The following ABCF1 variants were observed in gnomAD, a reference collection of about 807,000 sequenced individuals.
The protein encoded by ABCF1 is ATP binding cassette subfamily F member 1, also known as ATP-binding cassette sub-family F member 1.
In ABCF1, 73 loss-of-function variants were observed where a neutral mutation model predicts 126.3. The observed-to-expected ratio is 0.58, with a 90% CI of 0.48 to 0.70. The LOEUF is 0.70. Among genes scored for constraint, ABCF1 ranks in the 30% least tolerant of loss-of-function variants. The pLI, the probability that ABCF1 is intolerant of heterozygous loss-of-function variation, is 0.00. For synonymous variants in ABCF1, 345 were observed against 396.4 expected (o/e 0.87, Z 1.54); for missense variants, 786 against 1,057.5 (o/e 0.74, Z 3.56).
Position 30,582,956 on chromosome 6 carries a change from G to C in ABCF1, c.793-110G>C, listed in dbSNP as rs796985998. On this transcript the variant is annotated intron_variant, in intron 9 of 24. Transcript: ENST00000326195. ...GATCCACCTACCTCAGCCTCCCAGA[G>C]TGCTGGGATTACAGGCGTGAGCCAG... The C allele has an allele frequency of 7.4e-5, 103 of 1,395,326 alleles. No homozygotes were observed. The African/African-American group carries it at 1.3e-3, about 18-fold the overall frequency. 86.4% of individuals were successfully genotyped at this position (1,395,326 alleles called of 1,614,324 possible).
intron 8 of ABCF1, among the ~76,000 whole-genome samples, chr6:30,581,009 T>C (rs1335487782): frequency 6.6e-6 from 1 of 152,064 alleles, no homozygotes; most frequent in African/African-American, 2.4e-5. Context: ...ATATAGTAAA[T>C]GTTTTTGGCT....
Position 30,586,605 on chromosome 6 carries a change from G to A in ABCF1, c.1961-36G>A, listed in dbSNP as rs755104873. The A allele has an allele frequency of 6.2e-7, 1 of 1,613,234 alleles. No individual in the cohort carries two copies. The highest frequency in any genetic ancestry group is 8.5e-7 in the Non-Finnish European group (1 of 1,179,888). ...AGCAGGAGCCACAGGGAGAGTCTCTGGGGACCTCTTTGACCACCTGTCTTC... is the reference window on the plus strand; with the variant it reads ...AGCAGGAGCCACAGGGAGAGTCTCTAGGGACCTCTTTGACCACCTGTCTTC... On this transcript the variant is annotated intron_variant, in intron 19 of 24. Coordinates refer to ENST00000326195, the MANE Select transcript of ABCF1 (RefSeq NM_001025091.2). The surrounding 1 kb of genome is among the most constrained non-coding windows in gnomAD (Gnocchi z 4.9).
In ABCF1 at chr6:30,579,977, A is replaced by T. The variant is rs767530405; in HGVS notation, c.536A>T (p.Lys179Met). The T allele has an allele frequency of 3.1e-6, 5 of 1,612,834 alleles. No homozygotes were observed. The change falls in exon 7 of 25, where the codon AAG becomes ATG. Residue 179 changes from lysine (K) to methionine (M), a missense_variant. By Grantham distance (95) the Lys-to-Met change is moderately conservative. Around this residue, in one of 4 missense-constraint regions of ABCF1, gnomAD observed 322 missense variants for 322.9 expected, o/e 1.00. Transcript: ENST00000326195. ...CCTGCACTCAAGGGCAAAAAGGGAA[A>T]GGAAGAGAAGTCAAAAGGGAAGGCT... ...QQPALKGKKG[K>M]EEKSKGKAKP...
chr6:30,587,310 G>T (rs1028571968), intron 20 of ABCF1, among the ~76,000 whole-genome samples: 1 of 151,924 alleles, frequency 6.6e-6, no homozygotes, highest in Non-Finnish European at 1.5e-5. Context: ...CAACTCTTTG[G>T]GGGAGGCTGA....
At position 30,585,634 on chromosome 6, in the gene ABCF1, A is replaced by G. The variant is rs762208937; in HGVS notation, c.1552A>G (p.Ile518Val). ...CTTCTTGGATGATGTCTGCACTGATATCATCCACCTCGATGCCCAGCGGCT... is the reference window on the plus strand; with the variant it reads ...CTTCTTGGATGATGTCTGCACTGATGTCATCCACCTCGATGCCCAGCGGCT... The part of the protein sequence containing the change: ...QGFLDDVCTD[I>V]IHLDAQRLHY... The change falls in exon 16 of 25, where the codon ATC becomes GTC. Residue 518 changes from isoleucine to valine, a missense_variant. Ile to Val is a conservative substitution (Grantham distance 29). Coordinates refer to ENST00000326195, the MANE Select transcript of ABCF1 (RefSeq NM_001025091.2). The G allele has an allele frequency of 4.3e-6, 7 of 1,612,962 alleles. No homozygotes were observed. The South Asian group carries it at 6.6e-5, about 15-fold the overall frequency.
intron 3 of ABCF1, 42 bp from the exon 4 acceptor site, chr6:30,578,034 G>T (rs1387205267): frequency 1.2e-6 from 2 of 1,613,756 alleles, no homozygotes; most frequent in Non-Finnish European, 1.7e-6. Context: ...ATACAGCAGG[G>T]GCCTGGGCTT....
rs1448429946 is a variant in ABCF1 at position 30,574,239 on chromosome 6, A to G, written c.73+2679A>G. ...GCAGCCTCAATCGCAGGCTCAAGCC[A>G]TCTTCCCTTGTAGCTGGGACTACAG... On this transcript the variant is annotated intron_variant, in intron 1 of 24. Coordinates refer to ENST00000326195, the MANE Select transcript of ABCF1 (RefSeq NM_001025091.2). The surrounding 1 kb of genome is among the most constrained non-coding windows in gnomAD (Gnocchi z 4.3). 6.6e-6 allele frequency among the ~76,000 whole-genome samples: 1 copy of G among 151,558 alleles called. No homozygotes were observed. Among genetic ancestry groups the G allele is most frequent in the Non-Finnish European group, 1.5e-5 (1 of 67,904 alleles).
rs776739617 is a variant in ABCF1 at position 30,577,820 on chromosome 6, C to T, written c.123C>T (p.Phe41=). ...CTGTAGCTTAACTCCCTTTATAGTT[C>T]TTTGAAGAGCTGGCAGTAGAAGATA... The part of the protein sequence containing the change: ...GKKDKKIKKT[F]FEELAVEDKQ... Residue 41 remains phenylalanine (F), a splice_region_variant and synonymous_variant, in exon 3 of 25, where the codon TTC becomes TTT. Transcript: ENST00000326195. 6.2e-7 allele frequency: 1 copy of T among 1,613,664 alleles called. No homozygotes were observed.
At position 30,583,579 on chromosome 6, in the gene ABCF1, C is replaced by T. The variant is rs1002552192; in HGVS notation, c.916-29C>T. 1.9e-6 allele frequency: 3 copies of T among 1,610,030 alleles called. No homozygotes were observed. The highest frequency in any genetic ancestry group is 2.7e-5 in the African/African-American group (2 of 74,824). On this transcript the variant is annotated intron_variant, in intron 10 of 24. Coordinates refer to ENST00000326195, the MANE Select transcript of ABCF1 (RefSeq NM_001025091.2). This position sits in a 1 kb window ranked among gnomAD's most constrained non-coding sequence, Gnocchi z 4.1. Reference sequence around the variant, plus strand: ...GAATTTTCATGTGATCATCCCTTCCCTCTGCCACCTCTTTCCTGATGGCTG... The same window carrying T: ...GAATTTTCATGTGATCATCCCTTCCTTCTGCCACCTCTTTCCTGATGGCTG...
At position 30,584,689 on chromosome 6, in the gene ABCF1, A is replaced by T; in HGVS notation, c.1391+123A>T. On this transcript the variant is annotated intron_variant, in intron 14 of 24. Transcript: ENST00000326195. The surrounding 1 kb of genome is among the most constrained non-coding windows in gnomAD (Gnocchi z 4.6). ...CAAGGCTTACCTCTCCCTCCTTACT[A>T]TCTGTGTTGTGAGAACTTAGGGTCT... 1.5e-6 allele frequency: 2 copies of T among 1,308,324 alleles called. No individual in the cohort carries two copies. 81.0% of individuals were successfully genotyped at this position (1,308,324 alleles called of 1,614,324 possible).
chr6:30,579,023 C>T (rs117587530), intron 6 of ABCF1, among the ~76,000 whole-genome samples: 3 of 151,962 alleles, frequency 2.0e-5, no homozygotes, highest in East Asian at 1.9e-4. Flanking sequence ...CAAAAAAAAC[C>T]ATGCCATTTT....
chr6:30,578,672 T>A, intron 6 of ABCF1, 95 bp downstream of exon 6: 3 of 1,089,170 alleles, frequency 2.8e-6, no homozygotes, highest in Non-Finnish European at 4.1e-6. Context: ...CTCTTCTCGG[T>A]CTGTCTTACT....
intron 6 of ABCF1, 27 bp downstream of exon 6, chr6:30,578,604 TCTCA>T: frequency 1.9e-6 from 3 of 1,591,190 alleles, no homozygotes; most frequent in African/African-American, 1.3e-5. Flanking sequence ...GATCAGTCAC[TCTCA>T]CTCCATTTAG....
chr6:30,579,892 T>G, intron 6 of ABCF1, 39 bp from the exon 7 acceptor site: 1 of 1,591,718 alleles, frequency 6.3e-7, no homozygotes, highest in Non-Finnish European at 8.6e-7. Flanking sequence ...CACAATAATT[T>G]GTATGTATGT....
chr6:30,585,367 T>C (rs1439459498), intron 15 of ABCF1, 24 bp downstream of exon 15: 1 of 1,608,664 alleles, frequency 6.2e-7, no homozygotes, highest in Admixed American at 1.7e-5. Flanking sequence ...TTTGCATCAT[T>C]GGTTCCCATT....
At chr6:30,585,496 T>G (rs1278743246) in intron 15 of ABCF1, 62 bp from the exon 16 acceptor site, 1 of 1,607,754 alleles carries the variant, frequency 6.2e-7, no homozygotes, top group Admixed American at 1.7e-5. Context: ...GTCTGCCTGC[T>G]TCCTCTGAAT....
At position 30,586,852 on chromosome 6, in the gene ABCF1, G is replaced by A; in HGVS notation, c.2031+141G>A. On this transcript the variant is annotated intron_variant, in intron 20 of 24. Coordinates refer to ENST00000326195, the MANE Select transcript of ABCF1 (RefSeq NM_001025091.2). The surrounding 1 kb of genome is among the most constrained non-coding windows in gnomAD (Gnocchi z 4.9). ...ATAGATGATTCATTTCCCTAAGAGG[G>A]GCAGTAGAGGAGGAAAGAGCTTAGA... 1 of 938,944 alleles carries A rather than the reference G, an allele frequency of 1.1e-6. No individual in the cohort carries two copies. Among genetic ancestry groups the A allele is most frequent in the Non-Finnish European group, 1.6e-6 (1 of 615,926 alleles). The allele number at this position is 938,944 out of a possible 1,614,324, so 58.2% of individuals were successfully genotyped here.
In ABCF1 at chr6:30,583,933, T is replaced by C; in HGVS notation, c.1102+43T>C. 1 of 1,601,510 alleles carries C rather than the reference T, an allele frequency of 6.2e-7. No individual in the cohort carries two copies. The highest frequency in any genetic ancestry group is 1.1e-5 in the South Asian group (1 of 90,696). On this transcript the variant is annotated intron_variant, in intron 12 of 24. Coordinates refer to ENST00000326195, the MANE Select transcript of ABCF1 (RefSeq NM_001025091.2). The surrounding 1 kb of genome is among the most constrained non-coding windows in gnomAD (Gnocchi z 4.1). Reference sequence around the variant, plus strand: ...AAAAGGGGCTTGGTGGGGTGGGCAGTTGGGTAGAAAAGCCAGCCAGCCAAG... The same window carrying C: ...AAAAGGGGCTTGGTGGGGTGGGCAGCTGGGTAGAAAAGCCAGCCAGCCAAG...
chr6:30,589,765 A>G (rs1466240551), intron 21 of ABCF1, 41 bp from the exon 22 acceptor site: 1 of 1,614,144 alleles, frequency 6.2e-7, no homozygotes, highest in Middle Eastern at 1.6e-4. Flanking sequence ...TGATGGAGGA[A>G]GTGTGACTTT....
Sources: gnomAD v4.1 joint callset for allele counts (sites outside exome capture counted in the v4.1 genomes callset) on GRCh38, gnomAD v4.1.1 for gene constraint, gnomAD v4.1.1 regional missense constraint, Gnocchi (gnomAD v3.1) non-coding constraint, MANE v1.5 for transcripts, NCBI Gene and HGNC (gene_info 2026-07-23, HGNC 2026-07-21) for gene names.